Variants in PCSK9 observed in about 807,000 individuals in gnomAD.
PCSK9 encodes convertase subtilisin/kexin type 9 preproprotein.
In PCSK9, 57 loss-of-function variants were observed where a neutral mutation model predicts 62.1. The observed-to-expected ratio is 0.92, with a 90% CI of 0.74 to 1.14. The LOEUF (loss-of-function observed/expected upper bound fraction) is 1.14. Ranked by LOEUF, PCSK9 falls within the 50% of genes most tolerant of loss-of-function variation. PCSK9 has a pLI of 0.00. For synonymous variants in PCSK9, 387 were observed against 409.4 expected (o/e 0.95, Z 0.66); for missense variants, 870 against 959.8 (o/e 0.91, Z 1.24).
At chr1:55,056,254 G>T in intron 6 of PCSK9, 65 bp downstream of exon 6, 4 of 1,029,752 alleles carry the variant, frequency 3.9e-6, no homozygotes. Context: ...CGGAGGGAGG[G>T]CGGGCGGGCA....
rs1644730812 is a variant in PCSK9 at position 55,058,193 on chromosome 1, C to T, written c.1338C>T (p.Pro446=). The T allele has an allele frequency of 6.2e-7, 1 of 1,613,094 alleles. No individual in the cohort carries two copies. The highest frequency in any genetic ancestry group is 8.5e-7 in the Non-Finnish European group (1 of 1,179,862). ...LTPNLVAALP[P]STHGAGWQLF... ...CCAACCTGGTGGCCGCCCTGCCCCC[C>T]AGCACCCATGGGGCAGGTAAGCAGG... The change falls in exon 8 of 12, where the codon CCC becomes CCT. Residue 446 remains proline, a synonymous_variant. Coordinates refer to ENST00000302118, the MANE Select transcript of PCSK9 (RefSeq NM_174936.4).
At chr1:55,043,782 G>C (rs187508037) in intron 1 of PCSK9, 61 bp from the exon 2 acceptor site, 9 of 1,578,202 alleles carry the variant, frequency 5.7e-6, no homozygotes, top group Admixed American at 3.4e-5. Flanking sequence ...GTGAGATAAA[G>C]TACACCTAGG....
intron 7 of PCSK9, 109 bp downstream of exon 7, chr1:55,057,623 A>G: frequency 7.5e-7 from 1 of 1,331,778 alleles, no homozygotes; most frequent in Non-Finnish European, 1.0e-6. Flanking sequence ...GGGACCAGAG[A>G]TGAAGTAGGC....
chr1:55,056,949 A>AG (rs28362257), intron 6 of PCSK9, among the ~76,000 whole-genome samples: 4,872 of 152,266 alleles, frequency 0.032, 242 homozygotes, highest in African/African-American at 0.11. Flanking sequence ...CTGGCCTATC[A>AG]AGGCTTCCCT....
intron 11 of PCSK9, among the ~76,000 whole-genome samples, 178 bp from the exon 12 acceptor site, chr1:55,063,191 C>T (rs1644775489): frequency 6.6e-6 from 1 of 152,154 alleles, no homozygotes; most frequent in Non-Finnish European, 1.5e-5. Flanking sequence ...TGGTGCAGAA[C>T]CGCCTGGGTG....
intron 3 of PCSK9, chr1:55,050,840 T>G: frequency 3.3e-6 from 1 of 302,574 alleles, no homozygotes; most frequent in South Asian, 2.6e-5. Context: ...GAGCCAGACC[T>G]TATTTGGAGA....
chr1:55,057,810 C>T (rs534347), intron 7 of PCSK9, among the ~76,000 whole-genome samples: 124,873 of 152,160 alleles, frequency 0.82, 51,464 homozygotes, highest in East Asian at 1. Context: ...AATAGGAGTT[C>T]ACCTGGCCGA....
intron 5 of PCSK9, among the ~76,000 whole-genome samples, chr1:55,053,216 A>G (rs1644689045): frequency 6.6e-6 from 1 of 152,092 alleles, no homozygotes; most frequent in South Asian, 2.1e-4. Flanking sequence ...TGGGCCCTGC[A>G]GGTCACACTG....
intron 4 of PCSK9, 39 bp downstream of exon 4, chr1:55,052,450 A>C: frequency 6.2e-7 from 1 of 1,613,196 alleles, no homozygotes. Flanking sequence ...GCCTCTGCCC[A>C]TATCCCCATC....
chr1:55,054,926 A>G (rs975195771), intron 5 of PCSK9, among the ~76,000 whole-genome samples: 49 of 151,700 alleles, frequency 3.2e-4, no homozygotes, highest in Non-Finnish European at 6.6e-4. Context: ...AATGGCGTGA[A>G]CCCGGGAGGC....
Position 55,056,065 on chromosome 1 carries a change from G to A in PCSK9, c.872G>A (p.Gly291Asp), listed in dbSNP as rs1261031081. Residue 291 changes from glycine to aspartate, a missense_variant, in exon 6 of 12, where the codon GGT becomes GAT. Transcript: ENST00000302118. ...CTGGTGGTGCTGCTGCCCCTGGCGG[G>A]TGGGTACAGCCGCGTCCTCAACGCC... Reference protein sequence around the residue: ...GPLVVLLPLAGGYSRVLNAAC... With the variant: ...GPLVVLLPLADGYSRVLNAAC... The A allele has an allele frequency of 1.9e-5, 30 of 1,606,254 alleles. No homozygotes were observed. The highest frequency in any genetic ancestry group is 2.5e-5 in the Non-Finnish European group (29 of 1,175,514).
rs777160912 is a variant in PCSK9 at position 55,042,356 on chromosome 1, C to T, written c.208-1487C>T. Among the ~76,000 whole-genome samples, 3 of 152,188 alleles carry T rather than the reference C, an allele frequency of 2.0e-5. No individual in the cohort carries two copies. The South Asian group carries it at 6.2e-4, about 32-fold the overall frequency. The stretch of plus-strand genomic sequence containing the variant: ...ATTTGATGGTAGCACCTGACGTGAA[C>T]TGACATGAGATTATTTTTAATTTAG... On this transcript the variant is annotated intron_variant, in intron 1 of 11. Transcript: ENST00000302118.
intron 5 of PCSK9, among the ~76,000 whole-genome samples, chr1:55,053,334 T>C (rs1644690159): frequency 1.3e-5 from 2 of 152,096 alleles, no homozygotes; most frequent in Non-Finnish European, 1.5e-5. Flanking sequence ...ACTAGGACTC[T>C]GGGGGCCGGT....
intron 5 of PCSK9, among the ~76,000 whole-genome samples, chr1:55,055,658 G>A (rs1644709111): frequency 6.6e-6 from 1 of 152,186 alleles, no homozygotes; most frequent in African/African-American, 2.4e-5. Context: ...GGCAATTCCT[G>A]CAGAATTTGA....
chr1:55,061,585 G>T, intron 11 of PCSK9, 29 bp downstream of exon 11: 1 of 1,565,842 alleles, frequency 6.4e-7, no homozygotes, highest in East Asian at 2.4e-5. Context: ...CCGGGTGGGT[G>T]GGGTGCTGCG....
Position 55,040,684 on chromosome 1 carries a change from C to A in PCSK9, c.207+640C>A, listed in dbSNP as rs138817353. 1.8e-4 allele frequency among the ~76,000 whole-genome samples: 27 copies of A among 152,292 alleles called. No individual in the cohort carries two copies. The highest frequency in any genetic ancestry group is 2.8e-4 in the Non-Finnish European group (19 of 68,016). On this transcript the variant is annotated intron_variant, in intron 1 of 11. Transcript: ENST00000302118. The surrounding 1 kb of genome is among the most constrained non-coding windows in gnomAD (Gnocchi z 4.1). Reference sequence around the variant, plus strand: ...AGCTGAAGGGGCAGGGGAGAAGGGGCGGAGGTATTCTCGAGGCCCATTGGC... The same window carrying A: ...AGCTGAAGGGGCAGGGGAGAAGGGGAGGAGGTATTCTCGAGGCCCATTGGC...
At position 55,052,399 on chromosome 1, in the gene PCSK9, C is replaced by T. The variant is rs754648024; in HGVS notation, c.645C>T (p.Arg215=). 11 of 1,613,736 alleles carry T rather than the reference C, an allele frequency of 6.8e-6. No homozygotes were observed. The highest frequency in any genetic ancestry group is 8.5e-6 in the Non-Finnish European group (10 of 1,180,028). The change falls in exon 4 of 12, where the codon CGC becomes CGT. Residue 215 remains arginine (R), a synonymous_variant. Transcript: ENST00000302118. ...ATGTGCCCGAGGAGGACGGGACCCG[C>T]TTCCACAGACAGGTAAGCACGGCCG... is the stretch of plus-strand genomic sequence containing the variant. ...FENVPEEDGT[R]FHRQASKCDS... is the part of the protein sequence containing the mutation.
At chr1:55,053,905 C>T (rs1217434613) in intron 5 of PCSK9, among the ~76,000 whole-genome samples, 1 of 152,164 alleles carries the variant, frequency 6.6e-6, no homozygotes, top group African/African-American at 2.4e-5. Flanking sequence ...GGAGGACTTC[C>T]TGGAGAAGTC....
intron 11 of PCSK9, 50 bp from the exon 12 acceptor site, chr1:55,063,319 G>A (rs752444294): frequency 5.1e-6 from 8 of 1,573,122 alleles, no homozygotes; most frequent in South Asian, 1.2e-5. Context: ...TGTGGGTGGG[G>A]GTCCCGGGCC....
Sources: allele counts gnomAD v4.1 joint callset (sites outside exome capture counted in the v4.1 genomes callset), GRCh38; gene constraint gnomAD v4.1.1; non-coding constraint Gnocchi (gnomAD v3.1); transcripts MANE v1.5; gene names NCBI Gene and HGNC (gene_info 2026-07-23, HGNC 2026-07-21).